DST: variants seen among roughly 807,000 people sequenced by gnomAD.
DST encodes the protein bullous pemphigoid antigen.
DST carries 253 observed loss-of-function variants against 875.2 expected under a neutral mutation model. The ratio of observed to expected loss-of-function variants is 0.29; its 90% CI spans 0.26 to 0.32. The LOEUF is 0.32. Ranked by LOEUF, DST falls within the 10% of genes least tolerant of loss-of-function variation. The pLI is 1.00. For synonymous variants in DST, 3,124 were observed against 3,197.1 expected, an observed-to-expected ratio of 0.98 and a Z score of 0.77; for missense variants, 8,287 against 9,111.6, an observed-to-expected ratio of 0.91 and a Z score of 3.68.
At chr6:56,826,062 C>G (rs1395023783) in intron 4 of DST, among the ~76,000 whole-genome samples, 4 of 152,338 alleles carry the variant, frequency 2.6e-5, no homozygotes, top group South Asian at 4.1e-4. Flanking sequence ...GATGGCCCTT[C>G]TTAGGGACCA....
At chr6:56,777,607 C>G (rs1292380363) in intron 4 of DST, among the ~76,000 whole-genome samples, 1 of 152,066 alleles carries the variant, frequency 6.6e-6, no homozygotes, top group Non-Finnish European at 1.5e-5. Context: ...CACATTCAGT[C>G]ACTTCCAAAA....
At chr6:56,882,072 G>C (rs559766740) in intron 3 of DST, among the ~76,000 whole-genome samples, 1 of 152,294 alleles carries the variant, frequency 6.6e-6, no homozygotes, top group South Asian at 2.1e-4. Context: ...AAACGTTTAT[G>C]CTCAATAATG....
rs142410089 is a variant in DST at position 56,729,106 on chromosome 6, T to C, written c.687+6122A>G. ...AGTCTATCAGTGTTCCTTGTACTAC[T>C]TTATTTTTGCAACTTTTTAAAGTTT... On this transcript the variant is annotated intron_variant, in intron 5 of 103. Transcript: ENST00000680361. 8.9e-3 allele frequency among the ~76,000 whole-genome samples: 1,352 copies of C among 152,282 alleles called. 16 individuals are homozygous for C. The highest frequency in any genetic ancestry group is 0.03 in the African/African-American group (1,243 of 41,554).
In DST at chr6:56,504,021, G is replaced by T; in HGVS notation, c.19542C>A (p.Val6514=). The change falls in exon 78 of 104, where the codon GTC becomes GTA. Residue 6514 remains valine, a synonymous_variant. Coordinates refer to ENST00000680361, the MANE Select transcript of DST (RefSeq NM_001374736.1). ...CCTTTAGCTCTTCAATCTGCTGCTT[G>T]ACAGTTTCGAGATCTGTTCCAATTG... is the stretch of plus-strand genomic sequence containing the variant. The part of the protein sequence containing the change: ...MSPIGTDLET[V]KQQIEELKQF... The T allele has an allele frequency of 6.2e-7, 1 of 1,608,514 alleles. No individual in the cohort carries two copies. Among genetic ancestry groups the T allele is most frequent in the South Asian group, 1.1e-5 (1 of 89,944 alleles).
chr6:56,850,703 C>T lies in DST; in HGVS notation c.625+694G>A, dbSNP rs192020276. On this transcript the variant is annotated intron_variant, in intron 4 of 103. Coordinates refer to ENST00000680361, the MANE Select transcript of DST (RefSeq NM_001374736.1). ...GCAGGGGTTGGAAGGTTGATTTCCA[C>T]AGTGTTCTCAGCTTTCAGCTGGGTA... 5.3e-5 allele frequency among the ~76,000 whole-genome samples: 8 copies of T among 152,332 alleles called. No homozygotes were observed. In the East Asian group the frequency reaches 1.5e-3, roughly 29 times the overall value.
At chr6:56,733,972 C>T (rs938110737) in intron 5 of DST, among the ~76,000 whole-genome samples, 3 of 152,148 alleles carry the variant, frequency 2.0e-5, no homozygotes, top group African/African-American at 7.2e-5. Context: ...AGACAGGGAA[C>T]ACGTCCCTAG....
intron 3 of DST, among the ~76,000 whole-genome samples, chr6:56,875,560 T>C (rs1048040155): frequency 6.6e-6 from 1 of 152,226 alleles, no homozygotes; most frequent in Non-Finnish European, 1.5e-5. Context: ...TCCAAGCTTC[T>C]TATTTTGGAA....
chr6:56,628,715 T>A (rs546501521), intron 32 of DST, among the ~76,000 whole-genome samples: 5 of 152,180 alleles, frequency 3.3e-5, no homozygotes, highest in Non-Finnish European at 5.9e-5. Context: ...AAGCATTTTA[T>A]TTGCATTAAT....
intron 4 of DST, among the ~76,000 whole-genome samples, chr6:56,823,035 G>T (rs376181666): frequency 6.6e-6 from 1 of 152,064 alleles, no homozygotes; most frequent in South Asian, 2.1e-4. Context: ...ATTTCACCAC[G>T]TTGGCCAGGC....
At chr6:56,720,117 C>T (rs1233958302) in intron 5 of DST, among the ~76,000 whole-genome samples, 1 of 152,114 alleles carries the variant, frequency 6.6e-6, no homozygotes, top group Non-Finnish European at 1.5e-5. Flanking sequence ...TATTTCATCC[C>T]TACAGTTTCG....
intron 9 of DST, among the ~76,000 whole-genome samples, chr6:56,676,729 C>T (rs1227211033): frequency 1.4e-5 from 2 of 146,242 alleles, no homozygotes; most frequent in Non-Finnish European, 3.0e-5. Flanking sequence ...TAGTTATTAA[C>T]AACAACATGG....
At chr6:56,471,365 C>G in intron 94 of DST, 97 bp from the exon 95 acceptor site, 1 of 845,446 alleles carries the variant, frequency 1.2e-6, no homozygotes, top group South Asian at 2.2e-5. Context: ...CTAGGTAGTA[C>G]ACATATCCTT....
At chr6:56,896,148 G>A (rs1294848629) in intron 3 of DST, among the ~76,000 whole-genome samples, 1 of 70,038 alleles carries the variant, frequency 1.4e-5, no homozygotes, top group South Asian at 2.7e-4. Flanking sequence ...AGACGGGAGA[G>A]CCTACTTTTA....
chr6:56,662,565 C>T (rs895831080), intron 10 of DST, among the ~76,000 whole-genome samples: 3 of 152,134 alleles, frequency 2.0e-5, no homozygotes, highest in African/African-American at 4.8e-5. Context: ...ATCTTCCTAC[C>T]GTGGCTGTGT....
At chr6:56,655,160 CA>C (rs11365303) in intron 10 of DST, among the ~76,000 whole-genome samples, 4,673 of 57,386 alleles carry the variant, frequency 0.081, 155 homozygotes, top group African/African-American at 0.22. Flanking sequence ...GACTTTGCCT[CA>C]AAAAAAAAAA....
chr6:56,510,515 C>T (rs1476928600), intron 73 of DST, among the ~76,000 whole-genome samples: 6 of 152,060 alleles, frequency 3.9e-5, no homozygotes, highest in African/African-American at 1.4e-4. Flanking sequence ...CATAATCAGA[C>T]ACATGAGAGA....
intron 3 of DST, among the ~76,000 whole-genome samples, chr6:56,896,068 G>C (rs1791088985): frequency 2.2e-5 from 1 of 44,934 alleles, no homozygotes; most frequent in Admixed American, 1.6e-4. Context: ...AGGGAGACGG[G>C]AGAGGGAGAG....
At chr6:56,543,128 G>A (rs1475914497) in intron 61 of DST, among the ~76,000 whole-genome samples, 2 of 152,206 alleles carry the variant, frequency 1.3e-5, no homozygotes, top group African/African-American at 2.4e-5. Flanking sequence ...GGAGATCCGC[G>A]AAGAAATTAT....
In DST at chr6:56,642,390, G is replaced by T; in HGVS notation, c.1872+20C>A. The T allele has an allele frequency of 6.4e-7, 1 of 1,556,872 alleles. No individual in the cohort carries two copies. The highest frequency in any genetic ancestry group is 8.9e-7 in the Non-Finnish European group (1 of 1,127,800). On this transcript the variant is annotated intron_variant, in intron 16 of 103. Coordinates refer to ENST00000680361, the MANE Select transcript of DST (RefSeq NM_001374736.1). ...GTGACTCCTCTACCACAACCCCAAT[G>T]GCTCCTAAAATTAACTTACAGACTG...
Sources: allele counts gnomAD v4.1 joint callset (sites outside exome capture counted in the v4.1 genomes callset), GRCh38; gene constraint gnomAD v4.1.1; transcripts MANE v1.5; gene names NCBI Gene and HGNC (gene_info 2026-07-23, HGNC 2026-07-21).